The following EED variants were observed in gnomAD, a reference collection of about 807,000 sequenced individuals.
EED encodes embryonic ectoderm development, also known as polycomb protein EED.
A neutral mutation model predicts 61.0 loss-of-function variants in EED; 9 were observed. The observed-to-expected ratio is 0.15, with a 90% CI of 0.09 to 0.26. The LOEUF is 0.26. EED is among the 10% of genes least tolerant of loss of function. The probability of loss-of-function intolerance (pLI) is 1.00; values close to 1 mark genes in which losing one functional copy is unlikely to be tolerated. For synonymous variants in EED, 187 were observed against 174.4 expected (o/e 1.07, Z -0.57); for missense variants, 315 against 542.3 (o/e 0.58, Z 4.16).
chr11:86,250,231 G>C, intron 1 of EED, 65 bp from the exon 2 acceptor site: 2 of 1,354,040 alleles, frequency 1.5e-6, no homozygotes, highest in African/African-American at 1.5e-5. Context: ...CTTCCCAGTA[G>C]AGTTATTTAC....
chr11:86,256,338 A>G (rs1467007042), intron 4 of EED, 49 bp from the exon 5 acceptor site: 13 of 1,457,822 alleles, frequency 8.9e-6, no homozygotes, highest in Admixed American at 2.3e-5. Flanking sequence ...AATTATTGAC[A>G]TGTTTCTTTT....
chr11:86,261,391 G>C (rs1344584257), intron 6 of EED, among the ~76,000 whole-genome samples: 1 of 151,942 alleles, frequency 6.6e-6, no homozygotes, highest in Non-Finnish European at 1.5e-5. Context: ...TTGGGCCCCA[G>C]AGGCCTTGGG....
At position 86,257,572 on chromosome 11, in the gene EED, A is replaced by T; in HGVS notation, c.610A>T (p.Asn204Tyr). Reference protein sequence around the residue: ...NELKFHPRDPNLLLSVSKDHA... With the variant: ...NELKFHPRDPYLLLSVSKDHA... ...GCTGAAATTCCATCCAAGAGATCCA[A>T]ATCTTCTCCTGTCAGTAAGTAAAGG... The change falls in exon 6 of 12, where the codon AAT becomes TAT. Residue 204 changes from asparagine (N) to tyrosine (Y), a missense_variant. Coordinates refer to ENST00000263360, the MANE Select transcript of EED (RefSeq NM_003797.5). 6.2e-7 allele frequency: 1 copy of T among 1,612,330 alleles called. No homozygotes were observed. Among genetic ancestry groups the T allele is most frequent in the Non-Finnish European group, 8.5e-7 (1 of 1,179,098 alleles).
downstream of EED, among the ~76,000 whole-genome samples, chr11:86,279,969 G>C (rs1228407741): frequency 6.6e-6 from 1 of 152,170 alleles, no homozygotes; most frequent in Non-Finnish European, 1.5e-5. Flanking sequence ...GATTGCCTAG[G>C]TTCTTGTTGC....
At chr11:86,253,953 C>CAG (rs1428676671) in intron 3 of EED, among the ~76,000 whole-genome samples, 4 of 141,136 alleles carry the variant, frequency 2.8e-5, no homozygotes, top group African/African-American at 1.0e-4. Flanking sequence ...GAGGCTGAGG[C>CAG]AGGAGGATCA....
At chr11:86,279,122 A>G, downstream of EED, among the ~76,000 whole-genome samples, 1 of 152,342 alleles carries the variant, frequency 6.6e-6, no homozygotes, top group East Asian at 1.9e-4. Flanking sequence ...TATATTTTTT[A>G]ATGATTTCTT....
At chr11:86,265,877 C>T in intron 7 of EED, 1 of 378,828 alleles carries the variant, frequency 2.6e-6, no homozygotes, top group Non-Finnish European at 4.7e-6. Flanking sequence ...TGTAAATGCT[C>T]TTATATTCCG....
At chr11:86,278,044 T>C (rs1946273833) in intron 11 of EED, 53 bp downstream of exon 11, 2 of 1,471,644 alleles carry the variant, frequency 1.4e-6, no homozygotes, top group East Asian at 2.5e-5. Flanking sequence ...TCCACACTTG[T>C]ATGCCAATGT....
At chr11:86,266,297 A>G in intron 8 of EED, 81 bp downstream of exon 8, 1 of 1,254,962 alleles carries the variant, frequency 8.0e-7, no homozygotes, top group Non-Finnish European at 1.1e-6. Flanking sequence ...ATTGCTATAT[A>G]AGCCCCAACA....
intron 1 of EED, among the ~76,000 whole-genome samples, chr11:86,245,591 C>T (rs1369985704): frequency 2.6e-5 from 4 of 151,654 alleles, no homozygotes; most frequent in Non-Finnish European, 4.4e-5. Context: ...GCCCTGAAAT[C>T]AGTTTGCATG....
intron 9 of EED, chr11:86,269,963 T>C: frequency 1.8e-6 from 1 of 570,744 alleles, no homozygotes; most frequent in Non-Finnish European, 3.1e-6. Flanking sequence ...TCAGCAGTTG[T>C]GTCCAGGTTT....
downstream of EED, among the ~76,000 whole-genome samples, chr11:86,282,303 A>ATGGGATGTATT (rs1318903187): frequency 1.1e-4 from 16 of 152,340 alleles, no homozygotes; most frequent in Non-Finnish European, 2.2e-4. Context: ...GCTTTTAGTG[A>ATGGGATGTATT]TGGGATGTAT....
chr11:86,265,847 T>C, intron 7 of EED: 1 of 277,386 alleles, frequency 3.6e-6, no homozygotes, highest in Non-Finnish European at 6.7e-6. Context: ...GTTTAAGTAA[T>C]TTTTTCTTGG....
chr11:86,249,816 C>G (rs957884108), intron 1 of EED, among the ~76,000 whole-genome samples: 1 of 152,238 alleles, frequency 6.6e-6, no homozygotes, highest in Non-Finnish European at 1.5e-5. Context: ...GCCATTAACA[C>G]TCCTGCTTCA....
downstream of EED, among the ~76,000 whole-genome samples, chr11:86,279,403 G>T (rs995628067): frequency 6.6e-6 from 1 of 152,124 alleles, no homozygotes; most frequent in African/African-American, 2.4e-5. Context: ...TGGCTAAGAG[G>T]GATTAAGTAG....
chr11:86,245,479 GAAA>G, intron 1 of EED, 136 bp downstream of exon 1: 1 of 736,798 alleles, frequency 1.4e-6, no homozygotes, highest in Non-Finnish European at 2.3e-6. Context: ...GCGTGCGGGA[GAAA>G]ATTGAAATTG....
chr11:86,260,740 C>A (rs995094606), intron 6 of EED, among the ~76,000 whole-genome samples: 1 of 151,986 alleles, frequency 6.6e-6, no homozygotes, highest in Non-Finnish European at 1.5e-5. Context: ...TTGCTTATGT[C>A]AAATCTGTAT....
chr11:86,267,610 G>GT (rs930762250), intron 8 of EED, among the ~76,000 whole-genome samples: 5 of 151,806 alleles, frequency 3.3e-5, no homozygotes, highest in African/African-American at 1.2e-4. Flanking sequence ...TGTTCTATTT[G>GT]TTTTTTTGAG....
chr11:86,274,089 ACTGT>A (rs960094187), intron 9 of EED, among the ~76,000 whole-genome samples: 28 of 147,164 alleles, frequency 1.9e-4, no homozygotes, highest in Middle Eastern at 3.3e-3. Flanking sequence ...GGTCCCTAGG[ACTGT>A]CTTTTTTCTT....
Sources: gnomAD v4.1 joint callset for allele counts (sites outside exome capture counted in the v4.1 genomes callset) on GRCh38, gnomAD v4.1.1 for gene constraint, MANE v1.5 for transcripts, NCBI Gene and HGNC (gene_info 2026-07-23, HGNC 2026-07-21) for gene names.